ZNF559: variants seen among roughly 807,000 people sequenced by gnomAD.
The protein encoded by ZNF559 is zinc finger protein 559.
ZNF559 carries 17 observed loss-of-function variants against 14.2 expected under a neutral mutation model. The observed-to-expected ratio is 1.20, with a 90% CI of 0.82 to 1.80. ZNF559 has a LOEUF of 1.80. ZNF559 is among the 40% of genes most tolerant of loss of function. ZNF559 has a pLI of 0.00. For missense variants in ZNF559, 740 were observed against 629.7 expected, an observed-to-expected ratio of 1.18 and a Z score of -1.88; for synonymous variants, 244 against 212.4, an observed-to-expected ratio of 1.15 and a Z score of -1.29.
chr19:9,343,226 A>G lies in ZNF559; in HGVS notation c.*158A>G, dbSNP rs2067658448. On this transcript the variant is annotated 3_prime_UTR_variant, in exon 7 of 7. Coordinates refer to ENST00000603380, the MANE Select transcript of ZNF559 (RefSeq NM_032497.3). ...TAACAATTCCAATAGAAGAGAAGAC[A>G]TATGAATGTAAGGAATGTGGGAAAA... 1 of 1,428,424 alleles carries G rather than the reference A, an allele frequency of 7.0e-7. No homozygotes were observed. Among genetic ancestry groups the G allele is most frequent in the East Asian group, 2.5e-5 (1 of 39,608 alleles). 88.5% of individuals were successfully genotyped at this position (1,428,424 alleles called of 1,614,324 possible). A position where few individuals can be genotyped will look rare whatever the true frequency, so the allele number is the denominator to read the frequency against.
At position 9,342,857 on chromosome 19, in the gene ZNF559, AG is replaced by A. The variant is rs753265749; in HGVS notation, c.1407del (p.Lys469AsnfsTer16). On this transcript the variant is annotated frameshift_variant, in exon 7 of 7. Coordinates refer to ENST00000603380, the MANE Select transcript of ZNF559 (RefSeq NM_032497.3). LOFTEE classifies it low-confidence loss of function (END_TRUNC). ...GGGGAGAGGCCATATAAATGTCAAAAGTGTGGGCAAGCCTTCAGTATCTCAT... is the reference window on the plus strand; with the variant it reads ...GGGGAGAGGCCATATAAATGTCAAAATGTGGGCAAGCCTTCAGTATCTCAT... ...HTGERPYKCQ[K>X]CGQAFSISSG... 4 of 1,614,034 alleles carry A rather than the reference AG, an allele frequency of 2.5e-6. No individual in the cohort carries two copies. Among genetic ancestry groups the A allele is most frequent in the Non-Finnish European group, 3.4e-6 (4 of 1,180,046 alleles).
At chr19:9,330,625 T>C (rs2066888408) in intron 2 of ZNF559, among the ~76,000 whole-genome samples, 1 of 152,234 alleles carries the variant, frequency 6.6e-6, no homozygotes, top group South Asian at 2.1e-4. Context: ...TATTGTACTC[T>C]TCAACTCCAG....
chr19:9,342,229 T>G lies in ZNF559; in HGVS notation c.778T>G (p.Leu260Val). The stretch of plus-strand genomic sequence containing the variant: ...TGAGTCGTCATATCTTACTCAACAT[T>G]TAAGAACTCATAGTAGAGTGTTACC... ...FTESSYLTQH[L>V]RTHSRVLPIE... Residue 260 changes from leucine (L) to valine (V), a missense_variant, in exon 7 of 7, where the codon TTA becomes GTA. Transcript: ENST00000603380. 6.3e-7 allele frequency: 1 copy of G among 1,587,840 alleles called. No homozygotes were observed. Among genetic ancestry groups the G allele is most frequent in the South Asian group, 1.2e-5 (1 of 85,862 alleles).
intron 2 of ZNF559, among the ~76,000 whole-genome samples, chr19:9,327,818 C>T (rs1039488501): frequency 1.3e-5 from 2 of 151,942 alleles, no homozygotes; most frequent in Admixed American, 1.3e-4. Context: ...TCAAACTGTC[C>T]CAATTTTGAC....
Position 9,343,936 on chromosome 19 carries a change from C to A in ZNF559, c.*868C>A. On this transcript the variant is annotated 3_prime_UTR_variant, in exon 7 of 7. Coordinates refer to ENST00000603380, the MANE Select transcript of ZNF559 (RefSeq NM_032497.3). The stretch of plus-strand genomic sequence containing the variant: ...CTTTCCCCCATTTGTCACTACTACA[C>A]TTCCCTAGTCTTTAAAACAATTTTA... The A allele has an allele frequency of 2.1e-6, 1 of 480,526 alleles. No individual in the cohort carries two copies. Among genetic ancestry groups the A allele is most frequent in the Non-Finnish European group, 2.7e-6 (1 of 369,086 alleles). The allele number at this position is 480,526 out of a possible 1,614,324, so 29.8% of individuals were successfully genotyped here. A position where few individuals can be genotyped will look rare whatever the true frequency, so the allele number is the denominator to read the frequency against.
Position 9,343,862 on chromosome 19 carries a change from A to T in ZNF559, c.*794A>T. 1.1e-6 allele frequency: 1 copy of T among 946,740 alleles called. No individual in the cohort carries two copies. Among genetic ancestry groups the T allele is most frequent in the Non-Finnish European group, 1.3e-6 (1 of 794,744 alleles). 58.6% of individuals were successfully genotyped at this position (946,740 alleles called of 1,614,324 possible). A position where few individuals can be genotyped will look rare whatever the true frequency, so the allele number is the denominator to read the frequency against. On this transcript the variant is annotated 3_prime_UTR_variant, in exon 7 of 7. Transcript: ENST00000603380. ...TGGTCTGAAGATCCTGAGTTATCTCAATTGTTCACGGTTACAGATGGAACT... is the reference window on the plus strand; with the variant it reads ...TGGTCTGAAGATCCTGAGTTATCTCTATTGTTCACGGTTACAGATGGAACT...
intron 2 of ZNF559, among the ~76,000 whole-genome samples, chr19:9,328,984 A>G (rs764130714): frequency 1.2e-4 from 18 of 152,188 alleles, no homozygotes; most frequent in Non-Finnish European, 2.4e-4. Context: ...TTAGAGAACA[A>G]AGTTTCACAG....
At position 9,338,669 on chromosome 19, in the gene ZNF559, C is replaced by T; in HGVS notation, c.33+87C>T. The T allele has an allele frequency of 4.0e-6, 4 of 1,008,398 alleles. No individual in the cohort carries two copies. In the East Asian group the frequency reaches 7.2e-5, roughly 18 times the overall value. 62.5% of individuals were successfully genotyped at this position (1,008,398 alleles called of 1,614,324 possible). A position where few individuals can be genotyped will look rare whatever the true frequency, so the allele number is the denominator to read the frequency against. ...TTCTCCTAGTGGAACAGGGCCCCTG[C>T]AAGCAAAGAGGGTCTGCTTAGGGAC... On this transcript the variant is annotated intron_variant, in intron 4 of 6. Coordinates refer to ENST00000603380, the MANE Select transcript of ZNF559 (RefSeq NM_032497.3).
Position 9,326,105 on chromosome 19 carries a change from A to ATTTTTTT in ZNF559, c.-120+1345_-120+1351dup, listed in dbSNP as rs71183701. On this transcript the variant is annotated intron_variant, in intron 2 of 6. Transcript: ENST00000603380. Reference sequence around the variant, plus strand: ...GTTTTTTAACTAGACTATTCACCTGATTTTTTTTTTTTTTTTTTTTTTTTT... The same window carrying ATTTTTTT: ...GTTTTTTAACTAGACTATTCACCTGATTTTTTTTTTTTTTTTTTTTTTTTTTTTTTTT... Among the ~76,000 whole-genome samples the ATTTTTTT allele has an allele frequency of 5.4e-5, 4 of 73,696 alleles. 1 individual carries two copies. The highest frequency in any genetic ancestry group is 1.5e-4 in the African/African-American group (3 of 20,438). 48.3% of individuals were successfully genotyped at this position (73,696 alleles called of 152,430 possible). A position where few individuals can be genotyped will look rare whatever the true frequency, so the allele number is the denominator to read the frequency against.
intron 2 of ZNF559, among the ~76,000 whole-genome samples, chr19:9,328,407 G>A (rs1183724117): frequency 7.9e-6 from 1 of 126,392 alleles, no homozygotes; most frequent in Non-Finnish European, 1.6e-5. Flanking sequence ...AGGCTGTAGT[G>A]CAGTGGCGCA....
rs2067414948 is a variant in ZNF559 at position 9,339,350 on chromosome 19, T to A, written c.160+31T>A. ...GCTGGTACCATTCTTTTCATTTAGTTTTTTTCTGGAACAAATGTGTCTTAA... is the reference window on the plus strand; with the variant it reads ...GCTGGTACCATTCTTTTCATTTAGTATTTTTCTGGAACAAATGTGTCTTAA... On this transcript the variant is annotated intron_variant, in intron 5 of 6. Coordinates refer to ENST00000603380, the MANE Select transcript of ZNF559 (RefSeq NM_032497.3). The A allele has an allele frequency of 1.9e-6, 3 of 1,573,478 alleles. No homozygotes were observed. The African/African-American group carries it at 4.1e-5, about 21-fold the overall frequency.
intron 4 of ZNF559, 98 bp from the exon 5 acceptor site, chr19:9,339,095 G>A: frequency 6.5e-7 from 1 of 1,536,444 alleles, no homozygotes; most frequent in Non-Finnish European, 8.9e-7. Flanking sequence ...GGAGACCAAA[G>A]AGTCTTGTCA....
intron 6 of ZNF559, 187 bp from the exon 7 acceptor site, chr19:9,341,508 C>A: frequency 1.9e-6 from 2 of 1,055,724 alleles, no homozygotes; most frequent in Non-Finnish European, 2.8e-6. Flanking sequence ...GAACTTCCTG[C>A]AGTCACTTTG....
intron 3 of ZNF559, 143 bp from the exon 4 acceptor site, chr19:9,338,351 G>C: frequency 1.6e-6 from 1 of 627,586 alleles, no homozygotes; most frequent in Non-Finnish European, 2.8e-6. Context: ...CATATTTTCT[G>C]GCTTCAGGTG....
chr19:9,341,580 G>T, intron 6 of ZNF559, 115 bp from the exon 7 acceptor site: 1 of 1,554,556 alleles, frequency 6.4e-7, no homozygotes, highest in Non-Finnish European at 8.7e-7. Context: ...GGAACAAACA[G>T]TTTCAATTAT....
intron 1 of ZNF559, chr19:9,324,450 G>A: frequency 7.0e-7 from 1 of 1,433,502 alleles, no homozygotes; most frequent in Non-Finnish European, 9.1e-7. Context: ...CCTCGGCCCG[G>A]GAGGAGGCGG....
In ZNF559 at chr19:9,338,653, T is replaced by C; in HGVS notation, c.33+71T>C. 3 of 1,242,242 alleles carry C rather than the reference T, an allele frequency of 2.4e-6. No homozygotes were observed. The South Asian group carries it at 3.7e-5, about 15-fold the overall frequency. The allele number at this position is 1,242,242 out of a possible 1,614,324, so 77.0% of individuals were successfully genotyped here. Reference sequence around the variant, plus strand: ...ACCATGTAGATGTGTTTTCTCCTAGTGGAACAGGGCCCCTGCAAGCAAAGA... The same window carrying C: ...ACCATGTAGATGTGTTTTCTCCTAGCGGAACAGGGCCCCTGCAAGCAAAGA... On this transcript the variant is annotated intron_variant, in intron 4 of 6. Transcript: ENST00000603380.
rs532712914 is a variant in ZNF559, at chr19:9,343,278, A to G, written c.*210A>G. ...CTTGGCTCCTTCCATAGGCCTTACT[A>G]TTCATGTGTCTGTGCATCCTAGGAA... On this transcript the variant is annotated 3_prime_UTR_variant, in exon 7 of 7. Coordinates refer to ENST00000603380, the MANE Select transcript of ZNF559 (RefSeq NM_032497.3). 3.7e-5 allele frequency: 50 copies of G among 1,366,286 alleles called. No individual in the cohort carries two copies. The East Asian group carries it at 8.1e-4, about 22-fold the overall frequency. The allele number at this position is 1,366,286 out of a possible 1,614,324, so 84.6% of individuals were successfully genotyped here. A position where few individuals can be genotyped will look rare whatever the true frequency, so the allele number is the denominator to read the frequency against.
At chr19:9,341,407 G>A (rs1362598706) in intron 6 of ZNF559, 1 of 750,974 alleles carries the variant, frequency 1.3e-6, no homozygotes, top group Non-Finnish European at 2.3e-6. Context: ...ATTCCCATAT[G>A]TATCTCAGAT....
Sources: allele counts gnomAD v4.1 joint callset (sites outside exome capture counted in the v4.1 genomes callset), GRCh38; gene constraint gnomAD v4.1.1; transcripts MANE v1.5; gene names NCBI Gene and HGNC (gene_info 2026-07-23, HGNC 2026-07-21).